Variants in MEGF11 observed in about 807,000 individuals in gnomAD.
The protein encoded by MEGF11 is multiple EGF like domains 11.
A neutral mutation model predicts 146.6 loss-of-function variants in MEGF11; 126 were observed. That is an observed-to-expected ratio of 0.86 (90% CI 0.74 to 1.00). The LOEUF (loss-of-function observed/expected upper bound fraction) is 1.00. Ranked by LOEUF, MEGF11 falls within the 50% of genes least tolerant of loss-of-function variation. The pLI is 0.00. For missense variants in MEGF11, 1,509 were observed against 1,521.2 expected, an observed-to-expected ratio of 0.99 and a Z score of 0.13; for synonymous variants, 532 against 583.4, an observed-to-expected ratio of 0.91 and a Z score of 1.27.
Position 66,114,831 on chromosome 15 carries a change from G to A in MEGF11, c.301+4255C>T, listed in dbSNP as rs552972495. Among the ~76,000 whole-genome samples, 3 of 152,344 alleles carry A rather than the reference G, an allele frequency of 2.0e-5. No individual in the cohort carries two copies. In the South Asian group the frequency reaches 6.2e-4, roughly 32 times the overall value. On this transcript the variant is annotated intron_variant, in intron 4 of 25. Transcript: ENST00000395614. The stretch of plus-strand genomic sequence containing the variant: ...GATGGTTTCAGGAGGGCTCCCAGAT[G>A]AGAATGGCAGTTCAAAGGCAGACGA...
intron 20 of MEGF11, chr15:65,912,458 T>G: frequency 3.4e-6 from 1 of 297,808 alleles, no homozygotes; most frequent in South Asian, 1.6e-4. Flanking sequence ...GGAGGCACTA[T>G]CAACTGGAGC....
intron 1 of MEGF11, among the ~76,000 whole-genome samples, chr15:66,180,193 G>A (rs961027160): frequency 1.3e-5 from 2 of 152,206 alleles, no homozygotes; most frequent in Admixed American, 1.3e-4. Context: ...GGTAGCCAGG[G>A]CCGTGCCCTG....
chr15:66,053,741 T>A (rs2084558065), intron 5 of MEGF11, among the ~76,000 whole-genome samples: 1 of 143,766 alleles, frequency 7.0e-6, no homozygotes, highest in Non-Finnish European at 1.5e-5. Context: ...TTTTTTTTTT[T>A]TTTTGAGACA....
At chr15:66,238,124 A>G (rs899276848) in intron 1 of MEGF11, among the ~76,000 whole-genome samples, 4 of 152,190 alleles carry the variant, frequency 2.6e-5, no homozygotes, top group Admixed American at 6.5e-5. Flanking sequence ...CCTGCTGATG[A>G]GAACTGGGCT....
At chr15:66,132,337 T>A (rs1235757865) in intron 1 of MEGF11, among the ~76,000 whole-genome samples, 2 of 152,244 alleles carry the variant, frequency 1.3e-5, no homozygotes, top group East Asian at 3.8e-4. Flanking sequence ...TGGGATCAGC[T>A]GTTACAGCCT....
chr15:66,207,134 T>G (rs1380955658), intron 1 of MEGF11, among the ~76,000 whole-genome samples: 1 of 151,982 alleles, frequency 6.6e-6, no homozygotes, highest in African/African-American at 2.4e-5. Flanking sequence ...AGAAAAAATA[T>G]AGAGAGAAAT....
chr15:66,182,088 CAGCCTCCTCCTCTGCA>C lies in MEGF11; in HGVS notation c.-8-53693_-8-53678del, dbSNP rs544081601. Among the ~76,000 whole-genome samples the C allele has an allele frequency of 5.9e-5, 9 of 152,294 alleles. No homozygotes were observed. The East Asian group carries it at 1.7e-3, about 29-fold the overall frequency. On this transcript the variant is annotated intron_variant, in intron 1 of 25. Transcript: ENST00000395614. ...ACAGTGGAACTCCTCCCATATTTCC[CAGCCTCCTCCTCTGCA>C]AGGCACCCCCTCTAAGGACAACAGC...
chr15:66,249,095 T>G (rs1181844996), intron 1 of MEGF11, among the ~76,000 whole-genome samples: 3 of 152,170 alleles, frequency 2.0e-5, no homozygotes, highest in Non-Finnish European at 4.4e-5. Flanking sequence ...GAGATACAGC[T>G]TCATATCAGA....
At chr15:66,169,381 T>A (rs564726509) in intron 1 of MEGF11, among the ~76,000 whole-genome samples, 1 of 152,292 alleles carries the variant, frequency 6.6e-6, no homozygotes, top group South Asian at 2.1e-4. Flanking sequence ...TCGAGAGACT[T>A]GGCCGGGACC....
chr15:65,942,178 G>T (rs1327049408), intron 10 of MEGF11, among the ~76,000 whole-genome samples: 1 of 152,150 alleles, frequency 6.6e-6, no homozygotes, highest in African/African-American at 2.4e-5. Flanking sequence ...CCTAGACCAG[G>T]CTGCCTTGAC....
rs543005328 is a variant in MEGF11, at chr15:66,139,662, G to A, written c.-8-11251C>T. On this transcript the variant is annotated intron_variant, in intron 1 of 25. Transcript: ENST00000395614. ...AATTACAAAAGGTGGCCGAGGTAAC[G>A]ATCTATTTCTGGAGCAACTGAAGCC... Among the ~76,000 whole-genome samples, 6 of 151,602 alleles carry A rather than the reference G, an allele frequency of 4.0e-5. No homozygotes were observed. In the East Asian group the frequency reaches 5.8e-4, roughly 15 times the overall value.
intron 5 of MEGF11, among the ~76,000 whole-genome samples, chr15:66,022,178 C>T (rs1335962736): frequency 6.6e-6 from 1 of 152,236 alleles, no homozygotes; most frequent in Non-Finnish European, 1.5e-5. Flanking sequence ...TTCCTGCAGA[C>T]AGAGCCTGCA....
rs111957935 is a variant in MEGF11, at chr15:65,970,223, T to A, written c.899+330A>T. Among the ~76,000 whole-genome samples the A allele has an allele frequency of 1.9e-3, 294 of 152,306 alleles. 2 individuals are homozygous for A. Among genetic ancestry groups the A allele is most frequent in the African/African-American group, 6.8e-3 (284 of 41,570 alleles). On this transcript the variant is annotated intron_variant, in intron 8 of 25. Coordinates refer to ENST00000395614, the MANE Select transcript of MEGF11 (RefSeq NM_001385028.1). ...TGCAAAACATATGAATGAAGTGATT[T>A]TGTACTCTCAGCTTCCTTGGATTAT...
At chr15:66,075,119 G>C (rs1055713295) in intron 5 of MEGF11, among the ~76,000 whole-genome samples, 4 of 152,134 alleles carry the variant, frequency 2.6e-5, no homozygotes, top group Admixed American at 2.6e-4. Context: ...GTGTCAAAAG[G>C]CCTTTGCTAG....
chr15:66,201,977 C>T (rs2091172796), intron 1 of MEGF11, among the ~76,000 whole-genome samples: 1 of 134,172 alleles, frequency 7.5e-6, no homozygotes, highest in Non-Finnish European at 1.5e-5. Flanking sequence ...AAAAAAAAAC[C>T]TGCCTCCAGA....
At chr15:66,029,615 CT>C (rs2083449696) in intron 5 of MEGF11, among the ~76,000 whole-genome samples, 1 of 152,198 alleles carries the variant, frequency 6.6e-6, no homozygotes, top group African/African-American at 2.4e-5. Context: ...GGTCTTTCCC[CT>C]GAGGGGCGCA....
At chr15:66,152,595 A>T (rs1381405526) in intron 1 of MEGF11, among the ~76,000 whole-genome samples, 1 of 152,224 alleles carries the variant, frequency 6.6e-6, no homozygotes, top group African/African-American at 2.4e-5. Flanking sequence ...CCCTTGGCCC[A>T]GTGGGGGATG....
At chr15:66,171,376 T>C (rs1295936369) in intron 1 of MEGF11, among the ~76,000 whole-genome samples, 1 of 152,210 alleles carries the variant, frequency 6.6e-6, no homozygotes, top group African/African-American at 2.4e-5. Flanking sequence ...TCTAAGATTC[T>C]GGTCCTGCTC....
chr15:65,917,798 A>G (rs2079050029), intron 16 of MEGF11, among the ~76,000 whole-genome samples, 168 bp downstream of exon 16: 1 of 133,874 alleles, frequency 7.5e-6, no homozygotes, highest in African/African-American at 2.5e-5. Flanking sequence ...GATCAATCCT[A>G]ATAATCCATC....
Sources: allele counts gnomAD v4.1 joint callset (sites outside exome capture counted in the v4.1 genomes callset), GRCh38; gene constraint gnomAD v4.1.1; transcripts MANE v1.5; gene names NCBI Gene and HGNC (gene_info 2026-07-23, HGNC 2026-07-21).